PRKG1: variants seen among roughly 807,000 people sequenced by gnomAD.
PRKG1 encodes cGMP-dependent protein kinase 1.
In PRKG1, 35 loss-of-function variants were observed where a neutral mutation model predicts 88.1. The ratio of observed to expected loss-of-function variants is 0.40; its 90% CI spans 0.30 to 0.53. PRKG1 has a LOEUF of 0.53. Ranked by LOEUF, PRKG1 falls within the 20% of genes least tolerant of loss-of-function variation. The pLI is 0.59. For missense variants in PRKG1, 540 were observed against 839.8 expected (o/e 0.64, Z 4.41); for synonymous variants, 303 against 292.5 (o/e 1.04, Z -0.37).
intron 3 of PRKG1, among the ~76,000 whole-genome samples, chr10:51,687,972 C>A (rs1277307059): frequency 6.6e-6 from 1 of 152,176 alleles, no homozygotes; most frequent in Non-Finnish European, 1.5e-5. Context: ...AATGTGGCAT[C>A]TAATACATGG....
At chr10:52,056,256 AG>A (rs1295971718) in intron 6 of PRKG1, among the ~76,000 whole-genome samples, 1 of 152,218 alleles carries the variant, frequency 6.6e-6, no homozygotes, top group Non-Finnish European at 1.5e-5. Flanking sequence ...CTAAAGAATC[AG>A]GGAAAATTGA....
At chr10:51,014,999 TA>T (rs1843039629) in intron 1 of PRKG1, among the ~76,000 whole-genome samples, 1 of 152,228 alleles carries the variant, frequency 6.6e-6, no homozygotes, top group African/African-American at 2.4e-5. Flanking sequence ...TTGATTACTA[TA>T]TGATAGAAAC....
At chr10:51,814,005 A>T (rs943475247) in intron 4 of PRKG1, among the ~76,000 whole-genome samples, 6 of 152,204 alleles carry the variant, frequency 3.9e-5, no homozygotes, top group Non-Finnish European at 8.8e-5. Context: ...GTACATAAGC[A>T]GACACCATGA....
chr10:51,811,982 G>T (rs1324206323), intron 4 of PRKG1, among the ~76,000 whole-genome samples: 2 of 152,138 alleles, frequency 1.3e-5, no homozygotes, highest in African/African-American at 4.8e-5. Context: ...TTGAGTATTT[G>T]TATGACTTAT....
chr10:51,255,205 G>T (rs1024202284), intron 2 of PRKG1, among the ~76,000 whole-genome samples: 16 of 152,012 alleles, frequency 1.1e-4, no homozygotes, highest in African/African-American at 3.9e-4. Context: ...CATATGTTTT[G>T]ACTATGAAGA....
At chr10:51,192,345 TTATCTG>T (rs1837652220) in intron 2 of PRKG1, among the ~76,000 whole-genome samples, 3 of 152,068 alleles carry the variant, frequency 2.0e-5, no homozygotes, top group African/African-American at 7.2e-5. Flanking sequence ...TTCATTTTTC[TTATCTG>T]TAAAATAGAA....
intron 3 of PRKG1, among the ~76,000 whole-genome samples, chr10:51,477,659 A>AT (rs1840237216): frequency 2.0e-5 from 3 of 152,066 alleles, no homozygotes; most frequent in Admixed American, 1.3e-4. Context: ...GTAAACACTT[A>AT]CTGTTCTGTA....
At chr10:51,315,516 T>G (rs1172085885) in intron 2 of PRKG1, among the ~76,000 whole-genome samples, 1 of 152,166 alleles carries the variant, frequency 6.6e-6, no homozygotes, top group Non-Finnish European at 1.5e-5. Flanking sequence ...ATCTGGAATT[T>G]TATTGGTAAG....
At chr10:51,778,179 T>A (rs144249856) in intron 3 of PRKG1, among the ~76,000 whole-genome samples, 4 of 152,162 alleles carry the variant, frequency 2.6e-5, no homozygotes, top group African/African-American at 9.7e-5. Flanking sequence ...TCAACAGATA[T>A]ATAATCTGGA....
intron 5 of PRKG1, among the ~76,000 whole-genome samples, chr10:52,009,608 G>A (rs1005085819): frequency 2.0e-5 from 3 of 152,028 alleles, no homozygotes; most frequent in African/African-American, 7.2e-5. Context: ...CAAAGGAAGT[G>A]TACAGATTCA....
chr10:51,681,724 T>G (rs1028737906), intron 3 of PRKG1, among the ~76,000 whole-genome samples: 5 of 152,144 alleles, frequency 3.3e-5, no homozygotes, highest in African/African-American at 1.2e-4. Flanking sequence ...ACTATTTTCT[T>G]TAAGTAAGGC....
rs1324206748 is a variant in PRKG1, at chr10:52,171,785, AATTTTTTTT to A, written c.1076+9823_1076+9831del. On this transcript the variant is annotated intron_variant, in intron 9 of 17. Transcript: ENST00000373980. ...AATAGAAGTATTTTTCTTTTATCAA[AATTTTTTTT>A]TTTTTTTTTTTTTTTTTTTGAGACG... Among the ~76,000 whole-genome samples, 21 of 122,642 alleles carry A rather than the reference AATTTTTTTT, an allele frequency of 1.7e-4. 1 individual carries two copies. Among genetic ancestry groups the A allele is most frequent in the African/African-American group, 6.9e-4 (19 of 27,490 alleles). The allele number at this position is 122,642 out of a possible 152,430, so 80.5% of individuals were successfully genotyped here. A position where few individuals can be genotyped will look rare whatever the true frequency, so the allele number is the denominator to read the frequency against.
intron 7 of PRKG1, among the ~76,000 whole-genome samples, chr10:52,068,367 C>G (rs1321442861): frequency 6.6e-6 from 1 of 152,114 alleles, no homozygotes; most frequent in Non-Finnish European, 1.5e-5. Context: ...TGGGATTAAG[C>G]TCCCAGTAGC....
chr10:51,108,782 CA>C (rs754518285), intron 1 of PRKG1, among the ~76,000 whole-genome samples: 4 of 151,816 alleles, frequency 2.6e-5, no homozygotes, highest in Non-Finnish European at 4.4e-5. Context: ...ATGTGATAGG[CA>C]AGAATAAAAA....
At chr10:51,060,246 A>T (rs1235966672) in intron 1 of PRKG1, among the ~76,000 whole-genome samples, 1 of 151,978 alleles carries the variant, frequency 6.6e-6, no homozygotes, top group Non-Finnish European at 1.5e-5. Flanking sequence ...TCAGTCAGAT[A>T]GTCTTTGTTT....
intron 1 of PRKG1, among the ~76,000 whole-genome samples, chr10:51,137,209 A>AT (rs1699124879): frequency 6.6e-6 from 1 of 152,128 alleles, no homozygotes; most frequent in African/African-American, 2.4e-5. Context: ...TAAAGTGAAT[A>AT]GGAACTTAAA....
chr10:51,047,679 A>G (rs1740349025), intron 1 of PRKG1, among the ~76,000 whole-genome samples: 2 of 151,262 alleles, frequency 1.3e-5, no homozygotes, highest in Middle Eastern at 3.2e-3. Flanking sequence ...CATGACAGTC[A>G]TCTTCAGGCA....
At chr10:51,021,966 C>A (rs1843143917) in intron 1 of PRKG1, among the ~76,000 whole-genome samples, 1 of 152,226 alleles carries the variant, frequency 6.6e-6, no homozygotes, top group Admixed American at 6.5e-5. Flanking sequence ...CAGGTGTGAG[C>A]CACTGCGCCT....
intron 4 of PRKG1, among the ~76,000 whole-genome samples, chr10:51,840,007 C>G (rs1416890071): frequency 6.6e-6 from 1 of 152,180 alleles, no homozygotes; most frequent in African/African-American, 2.4e-5. Context: ...CATTTCAAAT[C>G]TAGTTTTAAT....
Sources: gnomAD v4.1 joint callset for allele counts (sites outside exome capture counted in the v4.1 genomes callset) on GRCh38, gnomAD v4.1.1 for gene constraint, MANE v1.5 for transcripts, NCBI Gene and HGNC (gene_info 2026-07-23, HGNC 2026-07-21) for gene names.